Variants in NELFA observed in about 807,000 individuals in gnomAD.
NELFA encodes negative elongation factor complex member A.
Under a neutral mutation model 51.8 loss-of-function variants are expected in NELFA, and 35 were observed. That is an observed-to-expected ratio of 0.68 (90% CI 0.52 to 0.90). The LOEUF (loss-of-function observed/expected upper bound fraction) is 0.90, where lower values mean the gene tolerates loss of function less well. NELFA is among the 40% of genes least tolerant of loss of function. The probability of loss-of-function intolerance (pLI) is 0.00; values close to 1 mark genes in which losing one functional copy is unlikely to be tolerated. For missense variants in NELFA, 658 were observed against 746.4 expected, an observed-to-expected ratio of 0.88 and a Z score of 1.38; for synonymous variants, 417 against 338.4, an observed-to-expected ratio of 1.23 and a Z score of -2.55.
intron 7 of NELFA, 46 bp downstream of exon 7, chr4:1,985,730 G>A: frequency 6.6e-7 from 1 of 1,512,968 alleles, no homozygotes; most frequent in South Asian, 1.1e-5. Flanking sequence ...GAACAAAAGG[G>A]GCACCCGCAG....
chr4:1,998,761 G>A (rs938386008), intron 1 of NELFA, among the ~76,000 whole-genome samples: 1 of 152,166 alleles, frequency 6.6e-6, no homozygotes, highest in Non-Finnish European at 1.5e-5. Context: ...TCAACCTAGA[G>A]ACAGGCCAAC....
intron 1 of NELFA, chr4:2,008,121 G>T (rs1728759982): frequency 2.3e-6 from 1 of 440,880 alleles, no homozygotes; most frequent in Non-Finnish European, 4.6e-6. Flanking sequence ...CCTTCCTCAC[G>T]CGGGGGTTTC....
intron 1 of NELFA, among the ~76,000 whole-genome samples, chr4:2,000,352 G>A (rs1728537510): frequency 6.6e-6 from 1 of 152,020 alleles, no homozygotes; most frequent in Non-Finnish European, 1.5e-5. Flanking sequence ...AACAAATCCA[G>A]GAGCTGGTTT....
intron 1 of NELFA, among the ~76,000 whole-genome samples, chr4:2,003,076 A>T (rs543011801): frequency 6.6e-6 from 1 of 152,200 alleles, no homozygotes; most frequent in Non-Finnish European, 1.5e-5. Context: ...AAAGGAGGTG[A>T]ACAGATACCT....
In NELFA at chr4:2,008,962, T is replaced by A; in HGVS notation, c.-3A>T. On this transcript the variant is annotated 5_prime_UTR_variant, in exon 1 of 11. Transcript: ENST00000382882. The stretch of plus-strand genomic sequence containing the variant: ...TCGCTCTCCCGCATGGACGCCATCT[T>A]GGGGGAAAGCGCGCGCCGCTGCCCC... 1 of 1,555,474 alleles carries A rather than the reference T, an allele frequency of 6.4e-7. No individual in the cohort carries two copies. The highest frequency in any genetic ancestry group is 8.7e-7 in the Non-Finnish European group (1 of 1,149,264).
At chr4:2,007,301 G>A in intron 1 of NELFA, 1 of 189,964 alleles carries the variant, frequency 5.3e-6, no homozygotes, top group Non-Finnish European at 1.2e-5. Flanking sequence ...TTATACCCTA[G>A]AGAAATCCAA....
intron 3 of NELFA, among the ~76,000 whole-genome samples, chr4:1,988,661 T>C (rs1397290909): frequency 6.6e-6 from 1 of 152,240 alleles, no homozygotes; most frequent in Admixed American, 6.5e-5. Context: ...AACGGGGTAT[T>C]GATGTACATT....
intron 7 of NELFA, 89 bp from the exon 8 acceptor site, chr4:1,985,008 C>A: frequency 1.1e-6 from 1 of 924,836 alleles, no homozygotes; most frequent in South Asian, 1.7e-5. Context: ...TCCACTGCCA[C>A]AGGCTGTGGC....
At chr4:1,985,428 A>T (rs1417427762) in intron 7 of NELFA, among the ~76,000 whole-genome samples, 1 of 151,994 alleles carries the variant, frequency 6.6e-6, no homozygotes, top group African/African-American at 2.4e-5. Flanking sequence ...CTGACCACCC[A>T]GCACCCCCAC....
chr4:1,992,103 A>G lies in NELFA; in HGVS notation c.211-388T>C, dbSNP rs949726029. On this transcript the variant is annotated intron_variant, in intron 1 of 10. Transcript: ENST00000382882. ...GGGAAATCCTGGGGATGAGGGGCGTAGAGCAGGCAGGTGCCCGGCACAGCA... is the reference window on the plus strand; with the variant it reads ...GGGAAATCCTGGGGATGAGGGGCGTGGAGCAGGCAGGTGCCCGGCACAGCA... The G allele has an allele frequency of 1.4e-4, 32 of 223,864 alleles. No individual in the cohort carries two copies. In the Admixed American group the frequency reaches 1.6e-3, roughly 12 times the overall value. 13.9% of individuals were successfully genotyped at this position (223,864 alleles called of 1,614,324 possible). A position where few individuals can be genotyped will look rare whatever the true frequency, so the allele number is the denominator to read the frequency against.
intron 1 of NELFA, among the ~76,000 whole-genome samples, chr4:1,999,546 A>G (rs997655823): frequency 6.6e-6 from 1 of 152,196 alleles, no homozygotes; most frequent in Non-Finnish European, 1.5e-5. Context: ...AGAAGACAAG[A>G]AGGGTATTAC....
intron 1 of NELFA, among the ~76,000 whole-genome samples, chr4:1,996,941 C>A (rs1414832603): frequency 6.6e-6 from 1 of 151,374 alleles, no homozygotes; most frequent in Non-Finnish European, 1.5e-5. Flanking sequence ...ACTCTCTCTA[C>A]AAAAAATTTA....
At chr4:2,005,744 T>A (rs1296570880) in intron 1 of NELFA, among the ~76,000 whole-genome samples, 1 of 152,142 alleles carries the variant, frequency 6.6e-6, no homozygotes, top group Non-Finnish European at 1.5e-5. Flanking sequence ...CGCATTTCTA[T>A]ATACCAGCAA....
chr4:1,983,630 C>T lies in NELFA; in HGVS notation c.1368G>A (p.Lys456=), dbSNP rs1243916637. ...KTANKVTRPE[K]ALILGFMAGS... ...CGGCCATGAAGCCCAGGATGAGGGC[C>T]TTCTCGGGCCGCGTGACTTTGTTGG... Residue 456 remains lysine (K), a synonymous_variant, in exon 10 of 11, where the codon AAG becomes AAA. Transcript: ENST00000382882. 9.3e-6 allele frequency: 15 copies of T among 1,613,988 alleles called. No homozygotes were observed. The highest frequency in any genetic ancestry group is 1.3e-5 in the Non-Finnish European group (15 of 1,180,004).
Position 1,986,358 on chromosome 4 carries a change from T to C in NELFA, c.679A>G (p.Thr227Ala). 1 of 1,608,590 alleles carries C rather than the reference T, an allele frequency of 6.2e-7. No individual in the cohort carries two copies. Among genetic ancestry groups the C allele is most frequent in the South Asian group, 1.1e-5 (1 of 89,980 alleles). ...GTGGGGCTGAAGACGCTGGGCGCCG[T>C]GGGGCTTCTGAAGGGCGCCTGCTTC... Reference protein sequence around the residue: ...IPKQAPFRSPTAPSVFSPTGN... With the variant: ...IPKQAPFRSPAAPSVFSPTGN... The change falls in exon 5 of 11, where the codon ACG (threonine) becomes GCG (alanine). Residue 227 changes from threonine (T) to alanine (A), a missense_variant. Transcript: ENST00000382882.
intron 3 of NELFA, among the ~76,000 whole-genome samples, chr4:1,988,481 C>G (rs1455832588): frequency 6.6e-6 from 1 of 152,228 alleles, no homozygotes; most frequent in Non-Finnish European, 1.5e-5. Context: ...GTGGCCACTG[C>G]TGGCCTCCAA....
chr4:1,988,858 C>T (rs751576659), intron 3 of NELFA, among the ~76,000 whole-genome samples: 5 of 152,104 alleles, frequency 3.3e-5, no homozygotes, highest in Admixed American at 2.6e-4. Flanking sequence ...TGGCACCCAC[C>T]GTGCCCAACA....
chr4:1,995,781 T>A (rs1728405631), intron 1 of NELFA, among the ~76,000 whole-genome samples: 1 of 151,914 alleles, frequency 6.6e-6, no homozygotes, highest in African/African-American at 2.4e-5. Context: ...ATGCACCTAA[T>A]AACACAGCCC....
intron 1 of NELFA, among the ~76,000 whole-genome samples, chr4:2,005,519 C>G (rs913011499): frequency 6.6e-6 from 1 of 152,058 alleles, no homozygotes; most frequent in African/African-American, 2.4e-5. Context: ...TGGTGAAACC[C>G]CATCTCTACT....
Sources: allele counts gnomAD v4.1 joint callset (sites outside exome capture counted in the v4.1 genomes callset), GRCh38; gene constraint gnomAD v4.1.1; transcripts MANE v1.5; gene names NCBI Gene and HGNC (gene_info 2026-07-23, HGNC 2026-07-21).